Variants in PRPF4 observed in about 807,000 individuals in gnomAD.
PRPF4 encodes the protein U4/U6 small nuclear ribonucleoprotein Prp4.
Under a neutral mutation model 72.2 loss-of-function variants are expected in PRPF4, and 14 were observed. That is an observed-to-expected ratio of 0.19 (90% confidence interval 0.13 to 0.30). The LOEUF (loss-of-function observed/expected upper bound fraction) is 0.30. Among genes scored for constraint, PRPF4 ranks in the 10% least tolerant of loss-of-function variants. PRPF4 has a pLI of 1.00. For synonymous variants in PRPF4, 225 were observed against 232.2 expected, an observed-to-expected ratio of 0.97 and a Z score of 0.28; for missense variants, 478 against 653.9, an observed-to-expected ratio of 0.73 and a Z score of 2.93.
At chr9:113,276,803 T>G (rs755286665) in intron 2 of PRPF4, 78 bp downstream of exon 2, 8 of 1,460,486 alleles carry the variant, frequency 5.5e-6, no homozygotes, top group Non-Finnish European at 7.4e-6. Context: ...CACAGTTTTA[T>G]AATGTCAAAA....
rs1328166161 is a variant in PRPF4, at chr9:113,290,597, T to A, written c.1145+9T>A. On this transcript the variant is annotated intron_variant, in intron 11 of 13. Coordinates refer to ENST00000374198, the MANE Select transcript of PRPF4 (RefSeq NM_001244926.2). ...TCTTTGGCTGGCACTGGGTAAGGCTTCTCCCATGTAGTCAGGGGCAGTTCA... is the reference window on the plus strand; with the variant it reads ...TCTTTGGCTGGCACTGGGTAAGGCTACTCCCATGTAGTCAGGGGCAGTTCA... 6.2e-7 allele frequency: 1 copy of A among 1,614,158 alleles called. No homozygotes were observed.
Position 113,291,640 on chromosome 9 carries a change from A to G in PRPF4, c.1546A>G (p.Lys516Glu). The G allele has an allele frequency of 6.2e-7, 1 of 1,614,182 alleles. No homozygotes were observed. The highest frequency in any genetic ancestry group is 1.1e-5 in the South Asian group (1 of 91,082). The change falls in exon 14 of 14, where the codon AAG (lysine) becomes GAG (glutamate). Residue 516 changes from lysine (K) to glutamate (E), a missense_variant. Physicochemically the swap from Lys to Glu is moderately conservative, Grantham distance 56 (BLOSUM62 1). Transcript: ENST00000374198. ...IATCSYDRTFKLWMAE is the reference protein window; with the variant it reads ...IATCSYDRTFELWMAE ...CACTTGCTCATATGACAGGACCTTC[A>G]AGCTGTGGATGGCTGAATAGATGAC... is the stretch of plus-strand genomic sequence containing the variant.
Position 113,275,835 on chromosome 9 carries a change from G to A in PRPF4, c.27+65G>A, listed in dbSNP as rs927477994. 5 of 1,591,904 alleles carry A rather than the reference G, an allele frequency of 3.1e-6. No individual in the cohort carries two copies. In the East Asian group the frequency reaches 9.2e-5, roughly 29 times the overall value. On this transcript the variant is annotated intron_variant, in intron 1 of 13. Coordinates refer to ENST00000374198, the MANE Select transcript of PRPF4 (RefSeq NM_001244926.2). ...GCTAAGGGGGAAGGGGATCTCTGCGGGAAGGGGCCGTTAAGGAGCGGGAGA... is the reference window on the plus strand; with the variant it reads ...GCTAAGGGGGAAGGGGATCTCTGCGAGAAGGGGCCGTTAAGGAGCGGGAGA...
At position 113,276,586 on chromosome 9, in the gene PRPF4, G is replaced by A. The variant is rs1355948230; in HGVS notation, c.66G>A (p.Pro22=). The change falls in exon 2 of 14, where the codon CCG becomes CCA. Residue 22 remains proline, a synonymous_variant. Coordinates refer to ENST00000374198, the MANE Select transcript of PRPF4 (RefSeq NM_001244926.2). ...KTKAPDDLVA[P]VVKKPHIYYG... is the part of the protein sequence containing the mutation. ...AAGCACCCGACGACTTAGTTGCTCC[G>A]GTCGTGAAGAAACCACACATCTATT... 3.1e-6 allele frequency: 5 copies of A among 1,614,034 alleles called. No individual in the cohort carries two copies. In the East Asian group the frequency reaches 6.7e-5, roughly 22 times the overall value.
At position 113,279,096 on chromosome 9, in the gene PRPF4, A is replaced by G. The variant is rs1832195974; in HGVS notation, c.357A>G (p.Thr119=). The change falls in exon 3 of 14, where the codon ACA becomes ACG. Residue 119 remains threonine (T), a synonymous_variant. Transcript: ENST00000374198. ...ACLRALGEPI[T]LFGEGPAERR... ...TTAGAGCCTTGGGGGAACCCATCACACTTTTTGGAGAGGGTCCTGCTGAAA... is the reference window on the plus strand; with the variant it reads ...TTAGAGCCTTGGGGGAACCCATCACGCTTTTTGGAGAGGGTCCTGCTGAAA... The G allele has an allele frequency of 6.2e-7, 1 of 1,613,948 alleles. No individual in the cohort carries two copies. Among genetic ancestry groups the G allele is most frequent in the African/African-American group, 1.3e-5 (1 of 75,036 alleles).
chr9:113,287,398 G>A (rs752133054), intron 9 of PRPF4, among the ~76,000 whole-genome samples: 3 of 151,898 alleles, frequency 2.0e-5, no homozygotes, highest in Non-Finnish European at 4.4e-5. Context: ...CCACGGAGAT[G>A]TCTCCTCGCA....
chr9:113,291,047 G>C, intron 13 of PRPF4, 31 bp downstream of exon 13: 1 of 1,574,584 alleles, frequency 6.4e-7, no homozygotes, highest in Non-Finnish European at 8.7e-7. Context: ...ACGTCTAAAT[G>C]ACACAGACAA....
intron 7 of PRPF4, among the ~76,000 whole-genome samples, chr9:113,285,742 G>A (rs895472313): frequency 1.3e-5 from 2 of 152,010 alleles, no homozygotes; most frequent in African/African-American, 4.8e-5. Flanking sequence ...GCATGCGCCT[G>A]TTAGTCCCAG....
rs1375111900 is a variant in PRPF4, at chr9:113,284,275, G to A, written c.655-20G>A. On this transcript the variant is annotated intron_variant, in intron 6 of 13. Transcript: ENST00000374198. ...TAACCTATTAATGATCACCGTGTGT[G>A]TATTTTTTTTCTTTTTAAGTCTTTG... 2 of 1,534,008 alleles carry A rather than the reference G, an allele frequency of 1.3e-6. No homozygotes were observed. The highest frequency in any genetic ancestry group is 1.4e-5 in the African/African-American group (1 of 73,178).
At chr9:113,288,730 C>G (rs1832524603) in intron 10 of PRPF4, among the ~76,000 whole-genome samples, 1 of 152,092 alleles carries the variant, frequency 6.6e-6, no homozygotes, top group South Asian at 2.1e-4. Context: ...AGGTAACGCG[C>G]CCAGCCATAT....
In PRPF4 at chr9:113,284,356, G is replaced by A; in HGVS notation, c.716G>A (p.Ser239Asn). 6.2e-7 allele frequency: 1 copy of A among 1,613,260 alleles called. No individual in the cohort carries two copies. Among genetic ancestry groups the A allele is most frequent in the Non-Finnish European group, 8.5e-7 (1 of 1,179,298 alleles). The change falls in exon 7 of 14, where the codon AGT becomes AAT. Residue 239 changes from serine (S) to asparagine (N), a missense_variant. By Grantham distance (46) the Ser-to-Asn change is conservative. Coordinates refer to ENST00000374198, the MANE Select transcript of PRPF4 (RefSeq NM_001244926.2). ...CGGCCTATCTCCTACTGTCACTTTA[G>A]TCCCAATTCCAAGATGCTGGCCACA... is the stretch of plus-strand genomic sequence containing the variant. ...DDRPISYCHF[S>N]PNSKMLATAC...
At chr9:113,285,131 G>A (rs1325144387) in intron 7 of PRPF4, among the ~76,000 whole-genome samples, 1 of 151,452 alleles carries the variant, frequency 6.6e-6, no homozygotes, top group Non-Finnish European at 1.5e-5. Context: ...TGCTTCACAG[G>A]TCTGTTAGAA....
chr9:113,275,697 AG>A lies in PRPF4; in HGVS notation c.-44del. ...CTGGGCGCGCGGTGGACGGTCTGAA[AG>A]GGAGTGTTCGGGTTTCGCTGGGGCC... On this transcript the variant is annotated 5_prime_UTR_variant, in exon 1 of 14. Transcript: ENST00000374198. 2 of 1,600,814 alleles carry A rather than the reference AG, an allele frequency of 1.2e-6. No individual in the cohort carries two copies. The highest frequency in any genetic ancestry group is 1.7e-6 in the Non-Finnish European group (2 of 1,173,564).
intron 10 of PRPF4, among the ~76,000 whole-genome samples, chr9:113,289,244 C>T (rs1372084986): frequency 6.6e-6 from 1 of 152,160 alleles, no homozygotes; most frequent in Admixed American, 6.5e-5. Flanking sequence ...ATAGTTTATC[C>T]ATTCTCCTGT....
At chr9:113,275,932 G>C (rs1832078694) in intron 1 of PRPF4, among the ~76,000 whole-genome samples, 162 bp downstream of exon 1, 1 of 152,200 alleles carries the variant, frequency 6.6e-6, no homozygotes, top group African/African-American at 2.4e-5. Context: ...CCGTTTTCCT[G>C]ATCCCTAAGC....
In PRPF4 at chr9:113,291,561, C is replaced by T; in HGVS notation, c.1467C>T (p.Gly489=). 1 of 1,614,138 alleles carries T rather than the reference C, an allele frequency of 6.2e-7. No individual in the cohort carries two copies. Among genetic ancestry groups the T allele is most frequent in the Non-Finnish European group, 8.5e-7 (1 of 1,180,026 alleles). The change falls in exon 14 of 14, where the codon GGC becomes GGT. Residue 489 remains glycine (G), a synonymous_variant. Transcript: ENST00000374198. ...GGTCCCCGCTGAAGACTCTGGCTGG[C>T]CACGAAGGCAAAGTGATGGGCCTAG... ...PGWSPLKTLA[G]HEGKVMGLDI...
At position 113,275,763 on chromosome 9, in the gene PRPF4, C is replaced by T. The variant is rs969006361; in HGVS notation, c.20C>T (p.Ser7Phe). Reference protein sequence around the residue: MASSRASSTATKTKAPD... With the variant: MASSRAFSTATKTKAPD... ...CCCAGCATGGCTTCCTCGCGAGCCT[C>T]TTCCACGGTACAGAGCCCGGGATCC... is the stretch of plus-strand genomic sequence containing the variant. The change falls in exon 1 of 14, where the codon TCT becomes TTT. Residue 7 changes from serine to phenylalanine, a missense_variant. By Grantham distance (155) the Ser-to-Phe change is radical. Transcript: ENST00000374198. The T allele has an allele frequency of 6.2e-7, 1 of 1,613,078 alleles. No homozygotes were observed. Among genetic ancestry groups the T allele is most frequent in the Non-Finnish European group, 8.5e-7 (1 of 1,179,588 alleles).
rs756972022 is a variant in PRPF4, at chr9:113,284,334, C to G, written c.694C>G (p.Pro232Ala). The G allele has an allele frequency of 3.1e-6, 5 of 1,613,478 alleles. No individual in the cohort carries two copies. The South Asian group carries it at 5.5e-5, about 18-fold the overall frequency. The change falls in exon 7 of 14, where the codon CCT (proline) becomes GCT (alanine). Residue 232 changes from proline (P) to alanine (A), a missense_variant. Physicochemically the swap from Pro to Ala is conservative, Grantham distance 27. Transcript: ENST00000374198. ...NFCSQIGDDRPISYCHFSPNS... is the reference protein window; with the variant it reads ...NFCSQIGDDRAISYCHFSPNS... ...TTGCAGTCAGATTGGGGATGATCGG[C>G]CTATCTCCTACTGTCACTTTAGTCC...
chr9:113,276,612 A>T lies in PRPF4; in HGVS notation c.92A>T (p.Tyr31Phe), dbSNP rs1378336956. The T allele has an allele frequency of 1.2e-6, 2 of 1,613,994 alleles. No homozygotes were observed. Among genetic ancestry groups the T allele is most frequent in the Admixed American group, 3.3e-5 (2 of 60,008 alleles). Residue 31 changes from tyrosine (Y) to phenylalanine (F), a missense_variant, in exon 2 of 14, where the codon TAT becomes TTT. Physicochemically the swap from Tyr to Phe is conservative, Grantham distance 22 (BLOSUM62 3). Coordinates refer to ENST00000374198, the MANE Select transcript of PRPF4 (RefSeq NM_001244926.2). ...APVVKKPHIY[Y>F]GSLEEKERER... ...GTCGTGAAGAAACCACACATCTATT[A>T]TGGAAGTTTGGAAGAGAAGGAGAGG...
Sources: gnomAD v4.1 joint callset for allele counts (sites outside exome capture counted in the v4.1 genomes callset) on GRCh38, gnomAD v4.1.1 for gene constraint, MANE v1.5 for transcripts, NCBI Gene and HGNC (gene_info 2026-07-23, HGNC 2026-07-21) for gene names.